Variants in AOPEP observed in about 807,000 individuals in gnomAD.
AOPEP encodes aminopeptidase O.
In AOPEP, 77 loss-of-function variants were observed where a neutral mutation model predicts 98.1. The ratio of observed to expected loss-of-function variants is 0.78; its 90% CI spans 0.65 to 0.95. AOPEP has a LOEUF of 0.95. Among genes scored for constraint, AOPEP ranks in the 40% least tolerant of loss-of-function variants. AOPEP has a pLI of 0.00. For synonymous variants in AOPEP, 346 were observed against 365.3 expected (o/e 0.95, Z 0.60); for missense variants, 1,024 against 1,024.7 (o/e 1.00, Z 0.01).
At chr9:94,834,793 AATGCATGC>A (rs35018311) in intron 5 of AOPEP, among the ~76,000 whole-genome samples, 10,528 of 149,966 alleles carry the variant, frequency 0.07, 1,132 homozygotes, top group African/African-American at 0.23. Context: ...ACTGTCTCTA[AATGCATGC>A]ATGCATGCAT....
At chr9:94,937,370 C>G (rs1046762035) in intron 7 of AOPEP, among the ~76,000 whole-genome samples, 62 of 152,344 alleles carry the variant, frequency 4.1e-4, no homozygotes, top group African/African-American at 1.2e-3. Flanking sequence ...GTGCATGTCC[C>G]TCGTGTCCCT....
chr9:94,935,332 T>C (rs527467857), intron 7 of AOPEP: 1 of 152,384 alleles, frequency 6.6e-6, no homozygotes, highest in South Asian at 2.1e-4. Context: ...CGTGAGCCAA[T>C]TAAACCTCTT....
At chr9:94,823,649 C>T (rs1853776798) in intron 5 of AOPEP, among the ~76,000 whole-genome samples, 1 of 152,168 alleles carries the variant, frequency 6.6e-6, no homozygotes, top group African/African-American at 2.4e-5. Flanking sequence ...GTTCCCACAC[C>T]AGGCTGAGTG....
intron 5 of AOPEP, among the ~76,000 whole-genome samples, chr9:94,906,485 A>AATAATAATAATAATAAT (rs1488133280): frequency 2.4e-3 from 131 of 53,854 alleles, no homozygotes; most frequent in African/African-American, 5.3e-3. Context: ...ATAATAATAA[A>AATAATAATAATAATAAT]AAAACAGACC....
In AOPEP at chr9:95,077,483, C is replaced by T. The variant is rs539372678; in HGVS notation, c.2233-3211C>T. 3.3e-5 allele frequency among the ~76,000 whole-genome samples: 5 copies of T among 152,274 alleles called. No individual in the cohort carries two copies. In the South Asian group the frequency reaches 8.3e-4, roughly 25 times the overall value. On this transcript the variant is annotated intron_variant, in intron 14 of 16. Coordinates refer to ENST00000375315, the MANE Select transcript of AOPEP (RefSeq NM_001193329.3). ...TGCCAGGCACCGTCCTGGGAGCATG[C>T]GCTGTCCCTGTTTATTTTTATTCTG...
intron 14 of AOPEP, among the ~76,000 whole-genome samples, chr9:95,079,534 A>G (rs1369797691): frequency 6.6e-6 from 1 of 152,232 alleles, no homozygotes; most frequent in Non-Finnish European, 1.5e-5. Flanking sequence ...TGCAGTAGAA[A>G]AAGGCAGGGG....
chr9:94,976,554 G>A (rs568472113), intron 10 of AOPEP, among the ~76,000 whole-genome samples: 27 of 151,866 alleles, frequency 1.8e-4, no homozygotes, highest in Middle Eastern at 3.4e-3. Flanking sequence ...CCTTTTGATC[G>A]TCACTATTGC....
the AOPEP span, chr9:95,107,220 CTG>C: frequency 6.2e-7 from 1 of 1,614,158 alleles, no homozygotes; most frequent in East Asian, 2.2e-5. Context: ...TGAGAGGCTG[CTG>C]CTTCTGGACA....
intron 13 of AOPEP, among the ~76,000 whole-genome samples, chr9:95,036,702 C>CTTTTTTTTTTTTTTTTT (rs58616523): frequency 2.2e-5 from 3 of 135,820 alleles, no homozygotes; most frequent in African/African-American, 5.3e-5. Flanking sequence ...TCTTCTTCTT[C>CTTTTTTTTTTTTTTTTT]TTTTTTTTTT....
At chr9:94,921,773 G>T (rs2053648415) in intron 5 of AOPEP, among the ~76,000 whole-genome samples, 1 of 152,154 alleles carries the variant, frequency 6.6e-6, no homozygotes. Flanking sequence ...CAGGTTCCCA[G>T]CCGGAAAATT....
intron 13 of AOPEP, among the ~76,000 whole-genome samples, chr9:95,038,780 A>T (rs1226987772): frequency 6.6e-6 from 1 of 152,192 alleles, no homozygotes; most frequent in Non-Finnish European, 1.5e-5. Flanking sequence ...AAGCTCGGTA[A>T]GTCCAGGTTA....
chr9:95,063,283 G>T (rs1222535129), intron 14 of AOPEP, among the ~76,000 whole-genome samples: 1 of 152,220 alleles, frequency 6.6e-6, no homozygotes, highest in Non-Finnish European at 1.5e-5. Flanking sequence ...CACATTTCCT[G>T]CCTGCCTTAG....
the AOPEP span, among the ~76,000 whole-genome samples, chr9:95,119,648 G>T: frequency 6.6e-6 from 1 of 152,080 alleles, no homozygotes; most frequent in East Asian, 1.9e-4. Flanking sequence ...ACAGGCATGA[G>T]CCACCGTGCC....
intron 10 of AOPEP, 81 bp downstream of exon 10, chr9:94,967,882 C>A: frequency 8.6e-7 from 1 of 1,166,822 alleles, no homozygotes; most frequent in Non-Finnish European, 1.3e-6. Context: ...TGGCTTGTCA[C>A]AGCCTAGAAA....
At chr9:94,989,251 G>A (rs1168116627) in intron 11 of AOPEP, among the ~76,000 whole-genome samples, 3 of 151,964 alleles carry the variant, frequency 2.0e-5, no homozygotes, top group Non-Finnish European at 2.9e-5. Flanking sequence ...ACAGGTGCCC[G>A]CCACCTCATC....
At chr9:94,933,893 G>T (rs990443321) in intron 7 of AOPEP, among the ~76,000 whole-genome samples, 1 of 151,544 alleles carries the variant, frequency 6.6e-6, no homozygotes, top group East Asian at 2.0e-4. Context: ...GACTACAGGT[G>T]CCCGCCACCA....
intron 5 of AOPEP, among the ~76,000 whole-genome samples, chr9:94,901,361 A>T (rs2050376774): frequency 6.6e-6 from 1 of 152,114 alleles, no homozygotes; most frequent in Admixed American, 6.6e-5. Flanking sequence ...CTAATAGTAT[A>T]GTATAGTACA....
intron 5 of AOPEP, among the ~76,000 whole-genome samples, chr9:94,884,108 T>C (rs1051267651): frequency 6.6e-6 from 1 of 152,210 alleles, no homozygotes; most frequent in Non-Finnish European, 1.5e-5. Context: ...CCTCTGGGTG[T>C]CTGTCCTCAT....
intron 3 of AOPEP, among the ~76,000 whole-genome samples, chr9:94,777,685 G>C (rs924910267): frequency 6.1e-5 from 8 of 130,820 alleles, no homozygotes; most frequent in Admixed American, 1.7e-4. Flanking sequence ...CCAGGCTGGA[G>C]TACAGTGGCG....
Sources: gnomAD v4.1 joint callset for allele counts (sites outside exome capture counted in the v4.1 genomes callset) on GRCh38, gnomAD v4.1.1 for gene constraint, MANE v1.5 for transcripts, NCBI Gene and HGNC (gene_info 2026-07-23, HGNC 2026-07-21) for gene names.